Variants in BBS9 observed in about 807,000 individuals in gnomAD.
BBS9 encodes the protein protein PTHB1.
A neutral mutation model predicts 117.7 loss-of-function variants in BBS9; 89 were observed. The ratio of observed to expected loss-of-function variants is 0.76; its 90% CI spans 0.64 to 0.90. The LOEUF is 0.90. BBS9 is among the 40% of genes least tolerant of loss of function. The pLI is 0.00. For missense variants in BBS9, 982 were observed against 1,042.2 expected, an observed-to-expected ratio of 0.94 and a Z score of 0.80; for synonymous variants, 379 against 370.9, an observed-to-expected ratio of 1.02 and a Z score of -0.25.
At position 33,152,762 on chromosome 7, in the gene BBS9, A is replaced by G. The variant is rs148812031; in HGVS notation, c.174A>G (p.Lys58=). ...GGATCTTTAGCCCCCATCCTGCAAAAACAGGAGATGGAGCTCAAGCCGAAG... is the reference window on the plus strand; with the variant it reads ...GGATCTTTAGCCCCCATCCTGCAAAGACAGGAGATGGAGCTCAAGCCGAAG... ...YLRIFSPHPA[K]TGDGAQAEDL... Residue 58 remains lysine, a synonymous_variant, in exon 3 of 23, where the codon AAA becomes AAG. Transcript: ENST00000242067. 2.5e-5 allele frequency: 41 copies of G among 1,613,668 alleles called. No individual in the cohort carries two copies. Among genetic ancestry groups the G allele is most frequent in the Middle Eastern group, 1.7e-4 (1 of 6,060 alleles).
intron 9 of BBS9, among the ~76,000 whole-genome samples, chr7:33,292,312 C>T (rs1440130307): frequency 6.6e-6 from 1 of 152,038 alleles, no homozygotes; most frequent in Non-Finnish European, 1.5e-5. Context: ...ACTGCAACCT[C>T]TGCCTCCCAG....
intron 5 of BBS9, among the ~76,000 whole-genome samples, chr7:33,255,347 CTT>C (rs34214619): frequency 1.0e-4 from 14 of 133,996 alleles, no homozygotes; most frequent in Admixed American, 2.3e-4. Flanking sequence ...AGATAAGGAT[CTT>C]TTTTTTTTTT....
At chr7:33,172,575 T>C (rs1277191485) in intron 4 of BBS9, among the ~76,000 whole-genome samples, 1 of 152,202 alleles carries the variant, frequency 6.6e-6, no homozygotes, top group East Asian at 1.9e-4. Flanking sequence ...ATTTGCTTTA[T>C]TTACCAAATA....
chr7:33,203,216 G>A (rs759180369), intron 5 of BBS9, among the ~76,000 whole-genome samples: 3 of 152,106 alleles, frequency 2.0e-5, no homozygotes, highest in Admixed American at 6.5e-5. Context: ...AAAACTACAC[G>A]TTTGCTATAG....
chr7:33,195,626 C>T (rs111568858), intron 5 of BBS9, among the ~76,000 whole-genome samples: 5 of 152,172 alleles, frequency 3.3e-5, no homozygotes, highest in Admixed American at 1.3e-4. Context: ...TCAGAACTAT[C>T]GAGTATTTGT....
chr7:33,182,174 T>G lies in BBS9; in HGVS notation c.442+4583T>G, dbSNP rs183345644. 2.3e-3 allele frequency among the ~76,000 whole-genome samples: 357 copies of G among 152,338 alleles called. 1 individual carries two copies. Among genetic ancestry groups the G allele is most frequent in the African/African-American group, 8.0e-3 (334 of 41,574 alleles). On this transcript the variant is annotated intron_variant, in intron 5 of 22. Coordinates refer to ENST00000242067, the MANE Select transcript of BBS9 (RefSeq NM_198428.3). ...AAAAAAAAATCCACATTTCCATGCCTTCTTATAATCTTTTTTCAAAAGCAC... is the reference window on the plus strand; with the variant it reads ...AAAAAAAAATCCACATTTCCATGCCGTCTTATAATCTTTTTTCAAAAGCAC...
At chr7:33,591,182 T>C (rs1265403912) in intron 21 of BBS9, among the ~76,000 whole-genome samples, 2 of 152,056 alleles carry the variant, frequency 1.3e-5, no homozygotes, top group Non-Finnish European at 2.9e-5. Flanking sequence ...TTCCTCAAGT[T>C]TCATGAATTC....
chr7:33,289,768 G>A (rs1056173141), intron 9 of BBS9, among the ~76,000 whole-genome samples: 9 of 152,130 alleles, frequency 5.9e-5, no homozygotes, highest in Admixed American at 4.6e-4. Flanking sequence ...TTGGGGCCAG[G>A]TGTGGTGGCT....
Position 33,383,838 on chromosome 7 carries a change from G to T in BBS9, c.1962G>T (p.Glu654Asp), listed in dbSNP as rs751839746. ...TTGAGTTGATTGATCATCATTTTGA[G>T]GTATGTATGATCATAACCCACATCA... ...EYFELIDHHF[E>D]LRINGEKLEE... Residue 654 changes from glutamate to aspartate, a missense_variant and splice_region_variant, in exon 18 of 23, where the codon GAG (glutamate) becomes GAT (aspartate). By Grantham distance (45) the Glu-to-Asp change is conservative. Transcript: ENST00000242067. 2.5e-6 allele frequency: 4 copies of T among 1,610,868 alleles called. No homozygotes were observed. In the Admixed American group the frequency reaches 6.7e-5, roughly 27 times the overall value.
At chr7:33,180,264 A>T (rs1269262460) in intron 5 of BBS9, among the ~76,000 whole-genome samples, 1 of 152,192 alleles carries the variant, frequency 6.6e-6, no homozygotes, top group Non-Finnish European at 1.5e-5. Context: ...TGTGTCAGGA[A>T]TAAGAATCCC....
chr7:33,442,572 A>G (rs1295045181), intron 19 of BBS9, among the ~76,000 whole-genome samples: 1 of 152,212 alleles, frequency 6.6e-6, no homozygotes, highest in African/African-American at 2.4e-5. Context: ...CTAAAGTTTT[A>G]CAATTGATTA....
At chr7:33,549,696 A>G (rs748534278) in intron 21 of BBS9, among the ~76,000 whole-genome samples, 1 of 152,088 alleles carries the variant, frequency 6.6e-6, no homozygotes, top group Non-Finnish European at 1.5e-5. Context: ...ATCACTGGCC[A>G]TCAGAGAAAT....
At chr7:33,189,663 G>A (rs1426038758) in intron 5 of BBS9, among the ~76,000 whole-genome samples, 1 of 151,766 alleles carries the variant, frequency 6.6e-6, no homozygotes, top group East Asian at 2.0e-4. Flanking sequence ...TGAGGGGGGC[G>A]GATCACGAGG....
At chr7:33,486,726 A>T (rs938043950) in intron 19 of BBS9, among the ~76,000 whole-genome samples, 3 of 152,174 alleles carry the variant, frequency 2.0e-5, no homozygotes, top group Non-Finnish European at 4.4e-5. Context: ...ATGCTAAAAA[A>T]TCCCAGGATT....
chr7:33,432,299 C>T (rs1479924800), intron 19 of BBS9, among the ~76,000 whole-genome samples: 2 of 149,032 alleles, frequency 1.3e-5, no homozygotes, highest in African/African-American at 2.5e-5. Context: ...TTAGTAGAGA[C>T]GGGGTTTCAC....
At chr7:33,299,304 T>C (rs1484780323) in intron 9 of BBS9, among the ~76,000 whole-genome samples, 1 of 152,174 alleles carries the variant, frequency 6.6e-6, no homozygotes, top group African/African-American at 2.4e-5. Flanking sequence ...TGAACATTTC[T>C]GATCACAATT....
At chr7:33,565,602 G>A (rs1856719493) in intron 21 of BBS9, among the ~76,000 whole-genome samples, 2 of 151,272 alleles carry the variant, frequency 1.3e-5, no homozygotes. Flanking sequence ...TCTATATTCA[G>A]TTCAGAGCTT....
intron 5 of BBS9, among the ~76,000 whole-genome samples, chr7:33,196,336 G>A (rs911211728): frequency 4.6e-5 from 7 of 152,074 alleles, no homozygotes; most frequent in African/African-American, 1.4e-4. Flanking sequence ...CCAAGAAAAT[G>A]TATTAGTGGC....
intron 5 of BBS9, among the ~76,000 whole-genome samples, chr7:33,213,400 G>C (rs1400825314): frequency 1.3e-5 from 2 of 152,150 alleles, no homozygotes; most frequent in African/African-American, 4.8e-5. Flanking sequence ...ATCTGGCCCA[G>C]GGCAGGTCCA....
Sources: gnomAD v4.1 joint callset for allele counts (sites outside exome capture counted in the v4.1 genomes callset) on GRCh38, gnomAD v4.1.1 for gene constraint, MANE v1.5 for transcripts, NCBI Gene and HGNC (gene_info 2026-07-23, HGNC 2026-07-21) for gene names.